Variants in CUX1 observed in about 807,000 individuals in gnomAD.
CUX1 encodes the protein cut like homeobox 1.
In CUX1, 31 loss-of-function variants were observed where a neutral mutation model predicts 158.8. The observed-to-expected ratio is 0.20, with a 90% CI of 0.15 to 0.26. The LOEUF (loss-of-function observed/expected upper bound fraction) is 0.26. Ranked by LOEUF, CUX1 falls within the 10% of genes least tolerant of loss-of-function variation. The pLI is 1.00. For missense variants in CUX1, 1,589 were observed against 2,014.6 expected (o/e 0.79, Z 4.04); for synonymous variants, 879 against 862.1 (o/e 1.02, Z -0.34).
chr7:101,858,818 A>C (rs749462436), intron 1 of CUX1, among the ~76,000 whole-genome samples: 5 of 151,942 alleles, frequency 3.3e-5, no homozygotes, highest in Non-Finnish European at 5.9e-5. Context: ...CACACTCGCT[A>C]CCATGCTCGG....
At chr7:102,022,302 T>A (rs1335866675) in intron 2 of CUX1, among the ~76,000 whole-genome samples, 1 of 152,126 alleles carries the variant, frequency 6.6e-6, no homozygotes, top group Non-Finnish European at 1.5e-5. Flanking sequence ...AAAACTGAGT[T>A]GTGAATCAGC....
chr7:101,846,292 C>A (rs1795679496), intron 1 of CUX1, among the ~76,000 whole-genome samples: 2 of 152,096 alleles, frequency 1.3e-5, no homozygotes, highest in Admixed American at 1.3e-4. Flanking sequence ...AGTTCCCGAG[C>A]CCTTTTCCAA....
chr7:102,113,110 G>T (rs1332925064), intron 7 of CUX1, among the ~76,000 whole-genome samples: 2 of 152,170 alleles, frequency 1.3e-5, no homozygotes, highest in Admixed American at 6.5e-5. Context: ...TGAACAGTCA[G>T]TTCACAGAAG....
intron 10 of CUX1, among the ~76,000 whole-genome samples, chr7:102,177,427 AAAG>A (rs1792504245): frequency 6.7e-6 from 1 of 148,670 alleles, no homozygotes; most frequent in Non-Finnish European, 1.5e-5. Context: ...AAAAAAAAAA[AAAG>A]AAAAGAAAAA....
chr7:102,081,728 G>A (rs1334832622), intron 4 of CUX1, among the ~76,000 whole-genome samples: 1 of 146,514 alleles, frequency 6.8e-6, no homozygotes, highest in African/African-American at 2.4e-5. Context: ...CTCCTCCTGG[G>A]TTCAAGCGAT....
intron 21 of CUX1, 133 bp downstream of exon 21, chr7:102,227,802 A>C: frequency 1.1e-6 from 1 of 884,994 alleles, no homozygotes; most frequent in Non-Finnish European, 1.7e-6. Flanking sequence ...AACATGAAAC[A>C]TCCTATAGTT....
At chr7:102,079,093 C>T (rs1749687001) in intron 4 of CUX1, among the ~76,000 whole-genome samples, 1 of 152,128 alleles carries the variant, frequency 6.6e-6, no homozygotes, top group Non-Finnish European at 1.5e-5. Flanking sequence ...CTTCTTTCTC[C>T]ACTGCCTGCC....
At chr7:101,931,924 C>T (rs1381771181) in intron 2 of CUX1, among the ~76,000 whole-genome samples, 1 of 152,146 alleles carries the variant, frequency 6.6e-6, no homozygotes, top group Non-Finnish European at 1.5e-5. Flanking sequence ...TTTGGAGAGG[C>T]TTTAGAAGGC....
intron 14 of CUX1, among the ~76,000 whole-genome samples, chr7:102,263,930 G>A (rs1334131797): frequency 2.6e-5 from 4 of 151,220 alleles, no homozygotes; most frequent in African/African-American, 4.9e-5. Context: ...GGCCTCAAGC[G>A]ATCTGCCTGC....
At chr7:102,280,192 C>T (rs1052967606) in intron 19 of CUX1, 1 of 1,004,276 alleles carries the variant, frequency 1.0e-6, no homozygotes. Context: ...CCCCCCATCA[C>T]TTGGCCCCTA....
Position 102,151,809 on chromosome 7 carries a change from G to A in CUX1, c.675-6751G>A, listed in dbSNP as rs868989323. ...AGACCCGCCTCCTTGGTCCTGGTCT[G>A]CAAACACTGATGGCCACACTCACAT... On this transcript the variant is annotated intron_variant, in intron 8 of 23. Transcript: ENST00000292535. 3.4e-5 allele frequency among the ~76,000 whole-genome samples: 5 copies of A among 148,548 alleles called. No homozygotes were observed. In the South Asian group the frequency reaches 1.1e-3, roughly 32 times the overall value.
intron 13 of CUX1, among the ~76,000 whole-genome samples, chr7:102,194,595 CTA>C (rs1794603659): frequency 6.6e-6 from 1 of 150,546 alleles, no homozygotes; most frequent in Non-Finnish European, 1.5e-5. Flanking sequence ...TTGAGACTGA[CTA>C]TTTTTTTTTT....
chr7:102,153,499 T>G (rs940205734), intron 8 of CUX1: 8 of 152,208 alleles, frequency 5.3e-5, no homozygotes, highest in Non-Finnish European at 1.2e-4. Flanking sequence ...TTGCTGCTGC[T>G]CCCGGAAGAG....
downstream of CUX1, among the ~76,000 whole-genome samples, chr7:102,259,529 G>A (rs782335527): frequency 6.6e-6 from 1 of 152,044 alleles, no homozygotes; most frequent in African/African-American, 2.4e-5. Context: ...CAGAGGTTAC[G>A]GTGAGCCGAG....
chr7:101,865,023 G>A (rs1246004194), intron 1 of CUX1, among the ~76,000 whole-genome samples: 1 of 152,058 alleles, frequency 6.6e-6, no homozygotes, highest in Non-Finnish European at 1.5e-5. Context: ...TAAATGTTTT[G>A]TAGAATCGGA....
intron 4 of CUX1, among the ~76,000 whole-genome samples, chr7:102,079,701 C>T (rs1446770673): frequency 6.6e-6 from 1 of 152,120 alleles, no homozygotes; most frequent in African/African-American, 2.4e-5. Context: ...TTTACAAATC[C>T]TCAGTTTGCC....
intron 11 of CUX1, among the ~76,000 whole-genome samples, chr7:102,179,851 C>T (rs1248761471): frequency 1.3e-5 from 2 of 152,214 alleles, no homozygotes; most frequent in Non-Finnish European, 2.9e-5. Context: ...AGGCCCATTC[C>T]TTCCCCAACC....
In CUX1 at chr7:102,252,621, C is replaced by T. The variant is rs1388462869; in HGVS notation, c.*3579C>T. The T allele has an allele frequency of 3.0e-6, 3 of 985,420 alleles. No individual in the cohort carries two copies. Among genetic ancestry groups the T allele is most frequent in the South Asian group, 4.7e-5 (1 of 21,288 alleles). 61.0% of individuals were successfully genotyped at this position (985,420 alleles called of 1,614,324 possible). On this transcript the variant is annotated 3_prime_UTR_variant, in exon 24 of 24. Coordinates refer to ENST00000292535, the MANE Select transcript of CUX1 (RefSeq NM_181552.4). ...AGTGTTTGCATTTAGCCTCTTGACC[C>T]GGAGTTCCGGCCCAAGCTCCCTTGT...
At chr7:101,871,950 G>GGAGGTTGCAGTGAGCC (rs1798601447) in intron 1 of CUX1, among the ~76,000 whole-genome samples, 1 of 151,604 alleles carries the variant, frequency 6.6e-6, no homozygotes, top group South Asian at 2.1e-4. Flanking sequence ...CCCCGGAAGT[G>GGAGGTTGCAGTGAGCC]GAGGTTGCAG....
Sources: allele counts gnomAD v4.1 joint callset (sites outside exome capture counted in the v4.1 genomes callset), GRCh38; gene constraint gnomAD v4.1.1; transcripts MANE v1.5; gene names NCBI Gene and HGNC (gene_info 2026-07-23, HGNC 2026-07-21).